MAGI2: variants seen among roughly 807,000 people sequenced by gnomAD.
MAGI2 encodes membrane associated guanylate kinase, WW and PDZ domain containing 2.
In MAGI2, 35 loss-of-function variants were observed where a neutral mutation model predicts 133.3. That is an observed-to-expected ratio of 0.26 (90% CI 0.20 to 0.35). The LOEUF is 0.35. Among genes scored for constraint, MAGI2 ranks in the 10% least tolerant of loss-of-function variants. MAGI2 has a pLI of 1.00. For synonymous variants in MAGI2, 729 were observed against 710.6 expected (o/e 1.03, Z -0.41); for missense variants, 1,636 against 1,863.4 (o/e 0.88, Z 2.25).
intron 2 of MAGI2, among the ~76,000 whole-genome samples, chr7:78,630,542 G>A (rs185562529): frequency 1.3e-5 from 2 of 148,370 alleles, no homozygotes; most frequent in South Asian, 2.1e-4. Context: ...TCAGCCCCTT[G>A]AGTAGCTGTG....
At chr7:79,147,852 C>T (rs1177053359) in intron 1 of MAGI2, among the ~76,000 whole-genome samples, 1 of 152,154 alleles carries the variant, frequency 6.6e-6, no homozygotes, top group African/African-American at 2.4e-5. Flanking sequence ...CAGATCACCT[C>T]CTTGTCCTCC....
intron 2 of MAGI2, among the ~76,000 whole-genome samples, chr7:78,663,139 A>G (rs896079775): frequency 3.4e-5 from 5 of 148,418 alleles, no homozygotes; most frequent in East Asian, 4.0e-4. Flanking sequence ...ATTTTCTTCT[A>G]TTTGGTTACC....
intron 2 of MAGI2, among the ~76,000 whole-genome samples, chr7:78,873,437 G>A (rs1263808602): frequency 2.0e-5 from 3 of 151,878 alleles, no homozygotes; most frequent in South Asian, 2.1e-4. Flanking sequence ...TCATAGTAGC[G>A]TGAACCCTGT....
chr7:79,343,591 T>G (rs1841074547), intron 1 of MAGI2, among the ~76,000 whole-genome samples: 1 of 152,208 alleles, frequency 6.6e-6, no homozygotes, highest in African/African-American at 2.4e-5. Context: ...TAATTATTAT[T>G]TTTTAATTTT....
Position 78,807,973 on chromosome 7 carries a change from G to C in MAGI2, c.419-180734C>G, listed in dbSNP as rs374987022. 5.9e-5 allele frequency among the ~76,000 whole-genome samples: 9 copies of C among 152,200 alleles called. No homozygotes were observed. In the South Asian group the frequency reaches 1.9e-3, roughly 32 times the overall value. ...CCCAGACTTAGGTCTGGCTGACTTC[G>C]ATACTCCTTAAGCTACTGACTATTG... is the stretch of plus-strand genomic sequence containing the variant. On this transcript the variant is annotated intron_variant, in intron 2 of 21. Coordinates refer to ENST00000354212, the MANE Select transcript of MAGI2 (RefSeq NM_012301.4).
intron 1 of MAGI2, among the ~76,000 whole-genome samples, chr7:79,149,085 TA>T (rs1822939774): frequency 6.9e-6 from 1 of 144,786 alleles, no homozygotes; most frequent in African/African-American, 2.5e-5. Flanking sequence ...TATGGATATA[TA>T]TTTTTATATG....
At chr7:79,029,676 A>T (rs1329449922) in intron 1 of MAGI2, among the ~76,000 whole-genome samples, 1 of 152,204 alleles carries the variant, frequency 6.6e-6, no homozygotes, top group African/African-American at 2.4e-5. Flanking sequence ...AATTAACTAT[A>T]ATAATACTGT....
At chr7:78,559,018 TAC>T (rs1169337377) in intron 3 of MAGI2, among the ~76,000 whole-genome samples, 2 of 151,220 alleles carry the variant, frequency 1.3e-5, no homozygotes, top group Non-Finnish European at 2.9e-5. Flanking sequence ...TAACAAAATG[TAC>T]AGTGTTCTCT....
At chr7:78,584,159 C>T (rs1433575468) in intron 3 of MAGI2, among the ~76,000 whole-genome samples, 6 of 152,122 alleles carry the variant, frequency 3.9e-5, no homozygotes, top group African/African-American at 9.7e-5. Context: ...CGGTGGCTCA[C>T]GCCTGTAATC....
intron 2 of MAGI2, among the ~76,000 whole-genome samples, chr7:78,679,657 A>C (rs1023731995): frequency 2.6e-5 from 4 of 152,198 alleles, no homozygotes; most frequent in Admixed American, 2.0e-4. Flanking sequence ...TGACTTCCAA[A>C]GAGAAAATGC....
intron 1 of MAGI2, among the ~76,000 whole-genome samples, chr7:79,130,765 C>T (rs1455259812): frequency 2.0e-5 from 3 of 152,108 alleles, no homozygotes; most frequent in Non-Finnish European, 4.4e-5. Flanking sequence ...AGAGACTGTA[C>T]TAAGTGCTTT....
chr7:79,311,870 T>A (rs2129560718), intron 1 of MAGI2, among the ~76,000 whole-genome samples: 1 of 152,294 alleles, frequency 6.6e-6, no homozygotes, highest in East Asian at 1.9e-4. Context: ...TTGAAGTCAT[T>A]CTTGCCTTCT....
chr7:78,403,373 C>A (rs1471822914), intron 6 of MAGI2, among the ~76,000 whole-genome samples: 1 of 152,178 alleles, frequency 6.6e-6, no homozygotes, highest in East Asian at 1.9e-4. Context: ...TGTATATGTG[C>A]CACATTTTCC....
intron 1 of MAGI2, chr7:79,412,027 T>C (rs912098020): frequency 3.3e-5 from 5 of 152,074 alleles, no homozygotes; most frequent in Non-Finnish European, 7.4e-5. Flanking sequence ...AGCATAAACA[T>C]TTACTTTTAA....
At chr7:79,379,216 G>GT (rs1394958706) in intron 1 of MAGI2, among the ~76,000 whole-genome samples, 5 of 150,668 alleles carry the variant, frequency 3.3e-5, no homozygotes, top group Non-Finnish European at 5.9e-5. Context: ...GTGGTGTTTG[G>GT]TTTTTTGTCC....
At position 78,950,245 on chromosome 7, in the gene MAGI2, A is replaced by C. The variant is rs1801755838; in HGVS notation, c.418+56845T>G. 2.6e-5 allele frequency among the ~76,000 whole-genome samples: 4 copies of C among 152,142 alleles called. No individual in the cohort carries two copies. In the South Asian group the frequency reaches 8.3e-4, roughly 31 times the overall value. Reference sequence around the variant, plus strand: ...CTTCATTTTGATGTGTGTTGCTTGGAAGACCCCTGCTAACACATATCCCTA... The same window carrying C: ...CTTCATTTTGATGTGTGTTGCTTGGCAGACCCCTGCTAACACATATCCCTA... On this transcript the variant is annotated intron_variant, in intron 2 of 21. Transcript: ENST00000354212.
intron 10 of MAGI2, among the ~76,000 whole-genome samples, chr7:78,221,274 T>C (rs1413851925): frequency 6.6e-6 from 1 of 152,200 alleles, no homozygotes; most frequent in Non-Finnish European, 1.5e-5. Context: ...GCTCCCCACA[T>C]GGCAGACCCT....
chr7:78,358,706 A>G, intron 7 of MAGI2: 1 of 228,412 alleles, frequency 4.4e-6, no homozygotes, highest in Admixed American at 5.3e-5. Context: ...GGTTGGCTGG[A>G]AATACCAGGT....
At chr7:79,043,264 G>A (rs1335873683) in intron 1 of MAGI2, among the ~76,000 whole-genome samples, 2 of 151,906 alleles carry the variant, frequency 1.3e-5, no homozygotes, top group East Asian at 1.9e-4. Flanking sequence ...GAGACACAAG[G>A]TCGGGTGCAG....
Sources: gnomAD v4.1 joint callset for allele counts (sites outside exome capture counted in the v4.1 genomes callset) on GRCh38, gnomAD v4.1.1 for gene constraint, MANE v1.5 for transcripts, NCBI Gene and HGNC (gene_info 2026-07-23, HGNC 2026-07-21) for gene names.